GAS7: variants seen among roughly 807,000 people sequenced by gnomAD.
GAS7 encodes growth arrest specific 7.
Under a neutral mutation model 71.1 loss-of-function variants are expected in GAS7, and 28 were observed. The ratio of observed to expected loss-of-function variants is 0.39; its 90% confidence interval spans 0.29 to 0.54. GAS7 has a LOEUF of 0.54. GAS7 is among the 20% of genes least tolerant of loss of function. The probability of loss-of-function intolerance (pLI) is 0.62; values close to 1 mark genes in which losing one functional copy is unlikely to be tolerated. For missense variants in GAS7, 436 were observed against 627.8 expected (o/e 0.69, Z 3.27); for synonymous variants, 258 against 245.8 (o/e 1.05, Z -0.46).
chr17:10,131,993 AAAAACATGTTAATGCATG>A (rs1446267370), intron 1 of GAS7, among the ~76,000 whole-genome samples: 1 of 152,040 alleles, frequency 6.6e-6, no homozygotes, highest in African/African-American at 2.4e-5. Context: ...ATGAACGTAT[AAAAACATGTTAATGCATG>A]AAAACGTACT....
chr17:10,079,927 G>A (rs191631876), intron 1 of GAS7, among the ~76,000 whole-genome samples: 1 of 152,274 alleles, frequency 6.6e-6, no homozygotes, highest in Non-Finnish European at 1.5e-5. Context: ...AAGAGTAAAA[G>A]ACTTATATGG....
intron 5 of GAS7, among the ~76,000 whole-genome samples, chr17:9,952,997 A>G (rs55753206): frequency 0.17 from 25,622 of 151,976 alleles, 2,336 homozygotes; most frequent in Non-Finnish European, 0.19. Flanking sequence ...ATTACTGGGT[A>G]TATACCCAAA....
intron 1 of GAS7, among the ~76,000 whole-genome samples, chr17:10,159,134 A>ACGTT (rs2074232124): frequency 1.4e-5 from 2 of 143,682 alleles, no homozygotes; most frequent in Admixed American, 1.4e-4. Flanking sequence ...AGACCCCTAC[A>ACGTT]CGTTCACCCA....
intron 2 of GAS7, among the ~76,000 whole-genome samples, chr17:10,017,154 A>C (rs2072065045): frequency 7.3e-6 from 1 of 136,112 alleles, no homozygotes; most frequent in African/African-American, 3.1e-5. Flanking sequence ...ATAAATAAAT[A>C]AATAAATAAA....
At position 9,913,939 on chromosome 17, in the gene GAS7, A is replaced by G. The variant is rs938509076; in HGVS notation, c.*3289T>C. Reference sequence around the variant, plus strand: ...TGACTTGTTCTCAGAAATGGAAGGGACATTCTCAAGAATAGCCCAGACCCG... The same window carrying G: ...TGACTTGTTCTCAGAAATGGAAGGGGCATTCTCAAGAATAGCCCAGACCCG... On this transcript the variant is annotated 3_prime_UTR_variant, in exon 14 of 14. Coordinates refer to ENST00000432992, the MANE Select transcript of GAS7 (RefSeq NM_201433.2). The G allele has an allele frequency of 3.0e-5, 7 of 232,174 alleles. No individual in the cohort carries two copies. In the Admixed American group the frequency reaches 3.9e-4, roughly 13 times the overall value. 14.4% of individuals were successfully genotyped at this position (232,174 alleles called of 1,614,324 possible).
At chr17:10,010,309 C>T (rs1386292421) in intron 2 of GAS7, among the ~76,000 whole-genome samples, 3 of 152,054 alleles carry the variant, frequency 2.0e-5, no homozygotes, top group Non-Finnish European at 2.9e-5. Context: ...CGCCACCACG[C>T]CGGGCTAAAT....
chr17:10,042,872 G>A (rs1393597783), intron 1 of GAS7, among the ~76,000 whole-genome samples: 1 of 152,238 alleles, frequency 6.6e-6, no homozygotes, highest in Non-Finnish European at 1.5e-5. Context: ...GATTCGGAAG[G>A]AAATGACAGA....
At chr17:9,986,372 C>T (rs2070648993) in intron 2 of GAS7, among the ~76,000 whole-genome samples, 1 of 152,202 alleles carries the variant, frequency 6.6e-6, no homozygotes, top group Admixed American at 6.5e-5. Context: ...CATGCACTGA[C>T]TACTCCTTCC....
intron 1 of GAS7, among the ~76,000 whole-genome samples, chr17:10,039,534 T>C (rs1188665566): frequency 2.6e-5 from 4 of 152,074 alleles, no homozygotes; most frequent in East Asian, 3.9e-4. Context: ...ATACAAAAAA[T>C]TGGCTAGGCA....
At chr17:10,156,054 C>T (rs759311217) in intron 1 of GAS7, among the ~76,000 whole-genome samples, 22 of 152,212 alleles carry the variant, frequency 1.4e-4, no homozygotes, top group African/African-American at 3.9e-4. Context: ...AGCCTAGAGA[C>T]GAGATTCTCT....
chr17:10,158,325 T>A (rs1203735529), intron 1 of GAS7, among the ~76,000 whole-genome samples: 1 of 135,034 alleles, frequency 7.4e-6, no homozygotes, highest in Non-Finnish European at 1.6e-5. Context: ...TCCTGTTTTT[T>A]CTTTTTTTGG....
chr17:10,089,057 A>T (rs2073552573), intron 1 of GAS7, among the ~76,000 whole-genome samples: 2 of 152,104 alleles, frequency 1.3e-5, no homozygotes, highest in Non-Finnish European at 2.9e-5. Flanking sequence ...GCTACTCAGG[A>T]GACTGAGGCA....
intron 1 of GAS7, among the ~76,000 whole-genome samples, chr17:10,175,714 T>C (rs1204638221): frequency 6.6e-6 from 1 of 152,220 alleles, no homozygotes; most frequent in Middle Eastern, 3.2e-3. Flanking sequence ...TGCCCAGGCT[T>C]GTCTTCAACT....
chr17:10,134,116 T>C (rs978194322), intron 1 of GAS7, among the ~76,000 whole-genome samples: 1 of 152,070 alleles, frequency 6.6e-6, no homozygotes, highest in South Asian at 2.1e-4. Flanking sequence ...CTGCAAGCTC[T>C]GCCTCCCGGG....
At chr17:10,078,523 A>G (rs2073421340) in intron 1 of GAS7, among the ~76,000 whole-genome samples, 1 of 152,234 alleles carries the variant, frequency 6.6e-6, no homozygotes, top group Non-Finnish European at 1.5e-5. Context: ...AAAGAAGTAG[A>G]AGGCAATCAG....
At position 9,959,745 on chromosome 17, in the gene GAS7, G is replaced by A. The variant is rs2069404636; in HGVS notation, c.472-490C>T. 6.6e-6 allele frequency among the ~76,000 whole-genome samples: 1 copy of A among 152,036 alleles called. No homozygotes were observed. Among genetic ancestry groups the A allele is most frequent in the Non-Finnish European group, 1.5e-5 (1 of 68,000 alleles). On this transcript the variant is annotated intron_variant, in intron 4 of 13. Coordinates refer to ENST00000432992, the MANE Select transcript of GAS7 (RefSeq NM_201433.2). This position sits in a 1 kb window ranked among gnomAD's most constrained non-coding sequence, Gnocchi z 5.0. ...CACAATGTGCACTGGGGCGCTGCTC[G>A]GTCACCTCCCTGACTCCCCGCTCCC...
chr17:10,124,338 A>G (rs1413346069), intron 1 of GAS7, among the ~76,000 whole-genome samples: 1 of 152,008 alleles, frequency 6.6e-6, no homozygotes, highest in Non-Finnish European at 1.5e-5. Flanking sequence ...CACTCCCTGG[A>G]GAGACCCAAT....
chr17:10,033,201 G>GTT (rs1490654809), intron 1 of GAS7, among the ~76,000 whole-genome samples: 1 of 152,158 alleles, frequency 6.6e-6, no homozygotes, highest in East Asian at 1.9e-4. Context: ...TTTGTAGATT[G>GTT]TTGACCTAAC....
intron 1 of GAS7, among the ~76,000 whole-genome samples, chr17:10,077,118 T>C (rs1191910936): frequency 6.6e-6 from 1 of 152,240 alleles, no homozygotes; most frequent in Non-Finnish European, 1.5e-5. Flanking sequence ...TTATATACTT[T>C]TCTCATGTTA....
Sources: allele counts gnomAD v4.1 joint callset (sites outside exome capture counted in the v4.1 genomes callset), GRCh38; gene constraint gnomAD v4.1.1; non-coding constraint Gnocchi (gnomAD v3.1); transcripts MANE v1.5; gene names NCBI Gene and HGNC (gene_info 2026-07-23, HGNC 2026-07-21).